Variants in PTPRM observed in about 807,000 individuals in gnomAD.
The protein encoded by PTPRM is protein tyrosine phosphatase receptor type M, also known as receptor-type tyrosine-protein phosphatase mu.
In PTPRM, 47 loss-of-function variants were observed where a neutral mutation model predicts 186.7. That is an observed-to-expected ratio of 0.25 (90% confidence interval 0.20 to 0.32). The LOEUF (loss-of-function observed/expected upper bound fraction) is 0.32. Among genes scored for constraint, PTPRM ranks in the 10% least tolerant of loss-of-function variants. The pLI is 1.00. For missense variants in PTPRM, 1,494 were observed against 1,865.0 expected, an observed-to-expected ratio of 0.80 and a Z score of 3.66; for synonymous variants, 668 against 674.9, an observed-to-expected ratio of 0.99 and a Z score of 0.16.
chr18:7,686,222 A>G (rs999101004), intron 1 of PTPRM, among the ~76,000 whole-genome samples: 4 of 152,226 alleles, frequency 2.6e-5, no homozygotes, highest in Non-Finnish European at 4.4e-5. Context: ...AAATCCATCA[A>G]AATGACTCGG....
chr18:8,004,959 G>T (rs182063123), intron 7 of PTPRM, among the ~76,000 whole-genome samples: 1 of 152,230 alleles, frequency 6.6e-6, no homozygotes, highest in East Asian at 1.9e-4. Context: ...TATGTTTTCA[G>T]TGCATATAAG....
At chr18:7,694,018 G>T (rs16952376) in intron 1 of PTPRM, among the ~76,000 whole-genome samples, 2,843 of 152,216 alleles carry the variant, frequency 0.019, 81 homozygotes, top group East Asian at 0.1. Context: ...TAGGCCGTGG[G>T]GTGTCACAGA....
intron 19 of PTPRM, among the ~76,000 whole-genome samples, chr18:8,286,511 T>A (rs2094958947): frequency 6.6e-6 from 1 of 152,236 alleles, no homozygotes; most frequent in Non-Finnish European, 1.5e-5. Context: ...TCTTGTAGAC[T>A]AAGGCTGACT....
intron 2 of PTPRM, among the ~76,000 whole-genome samples, chr18:7,849,119 A>C (rs961496002): frequency 6.6e-6 from 1 of 152,124 alleles, no homozygotes; most frequent in African/African-American, 2.4e-5. Flanking sequence ...AATATATTGC[A>C]CCCAGAATGA....
intron 4 of PTPRM, among the ~76,000 whole-genome samples, chr18:7,915,000 A>G (rs1370075781): frequency 6.6e-6 from 1 of 152,172 alleles, no homozygotes; most frequent in Non-Finnish European, 1.5e-5. Context: ...TTGCACTTTG[A>G]TCTCACAAAT....
At chr18:7,615,895 A>G (rs188447089) in intron 1 of PTPRM, among the ~76,000 whole-genome samples, 2 of 152,300 alleles carry the variant, frequency 1.3e-5, no homozygotes, top group East Asian at 1.9e-4. Flanking sequence ...GTGACAGATC[A>G]TCAGGGATTA....
intron 7 of PTPRM, among the ~76,000 whole-genome samples, chr18:8,016,716 T>A (rs1197567933): frequency 6.6e-6 from 1 of 151,944 alleles, no homozygotes; most frequent in Non-Finnish European, 1.5e-5. Flanking sequence ...TTGACAAGAG[T>A]TACAAAAGAC....
At chr18:8,065,023 T>C (rs914061392) in intron 7 of PTPRM, among the ~76,000 whole-genome samples, 3 of 152,110 alleles carry the variant, frequency 2.0e-5, no homozygotes, top group Non-Finnish European at 4.4e-5. Flanking sequence ...ATAGAGTTCA[T>C]TGAGAGGTAG....
At chr18:7,834,561 C>A (rs1394758233) in intron 2 of PTPRM, among the ~76,000 whole-genome samples, 1 of 136,316 alleles carries the variant, frequency 7.3e-6, no homozygotes, top group Non-Finnish European at 1.6e-5. Context: ...TCAGTATGAC[C>A]CTGTTACCAA....
chr18:8,381,770 AAATTTCACT>A (rs1197807366), intron 29 of PTPRM, among the ~76,000 whole-genome samples: 1 of 152,210 alleles, frequency 6.6e-6, no homozygotes, highest in Middle Eastern at 3.2e-3. Flanking sequence ...GGCACGGCCG[AAATTTCACT>A]AATTCTAGAG....
intron 1 of PTPRM, among the ~76,000 whole-genome samples, chr18:7,652,169 C>T (rs1404150756): frequency 6.6e-6 from 1 of 152,156 alleles, no homozygotes; most frequent in Non-Finnish European, 1.5e-5. Context: ...CCATCACTGG[C>T]CATCAGAGAA....
At chr18:7,883,129 A>T (rs534119925) in intron 2 of PTPRM, among the ~76,000 whole-genome samples, 1 of 152,302 alleles carries the variant, frequency 6.6e-6, no homozygotes, top group East Asian at 1.9e-4. Flanking sequence ...TTCTACTTAT[A>T]TACTAGTGAC....
intron 13 of PTPRM, among the ~76,000 whole-genome samples, chr18:8,116,481 A>C (rs1446559395): frequency 6.6e-6 from 1 of 152,062 alleles, no homozygotes; most frequent in Non-Finnish European, 1.5e-5. Context: ...CAAGGCCTGC[A>C]CTCCTAGCCC....
At chr18:7,876,002 T>A (rs545972687) in intron 2 of PTPRM, among the ~76,000 whole-genome samples, 18 of 152,288 alleles carry the variant, frequency 1.2e-4, no homozygotes, top group African/African-American at 4.1e-4. Context: ...ATGGTAAGTA[T>A]TTGTGTGTCT....
At chr18:7,882,783 C>T (rs1442362272) in intron 2 of PTPRM, among the ~76,000 whole-genome samples, 1 of 152,148 alleles carries the variant, frequency 6.6e-6, no homozygotes, top group Non-Finnish European at 1.5e-5. Flanking sequence ...ATGTAGTTTT[C>T]TCAGCCTTGA....
At chr18:7,954,996 A>T (rs2053219768) in intron 6 of PTPRM, 125 bp from the exon 7 acceptor site, 2 of 1,063,098 alleles carry the variant, frequency 1.9e-6, no homozygotes, top group Non-Finnish European at 2.6e-6. Context: ...CCCAAACAAA[A>T]TTTTTCTCAT....
intron 7 of PTPRM, among the ~76,000 whole-genome samples, chr18:7,989,966 C>T (rs184757138): frequency 2.0e-5 from 3 of 152,244 alleles, no homozygotes; most frequent in Admixed American, 6.5e-5. Context: ...TGCAATGGCA[C>T]GATTTCGGCT....
At chr18:7,872,066 A>G (rs963583083) in intron 2 of PTPRM, among the ~76,000 whole-genome samples, 2 of 152,220 alleles carry the variant, frequency 1.3e-5, no homozygotes, top group Non-Finnish European at 2.9e-5. Flanking sequence ...CAACTAATTG[A>G]GTGCCAGGCA....
intron 14 of PTPRM, among the ~76,000 whole-genome samples, chr18:8,195,075 T>C (rs1169641024): frequency 2.0e-5 from 3 of 151,772 alleles, no homozygotes; most frequent in Admixed American, 6.6e-5. Flanking sequence ...AACTACAGAA[T>C]TGTCATCCAC....
Sources: gnomAD v4.1 joint callset for allele counts (sites outside exome capture counted in the v4.1 genomes callset) on GRCh38, gnomAD v4.1.1 for gene constraint, MANE v1.5 for transcripts, NCBI Gene and HGNC (gene_info 2026-07-23, HGNC 2026-07-21) for gene names.